The following ARHGEF33 variants were observed in gnomAD, a reference collection of about 807,000 sequenced individuals.
ARHGEF33 encodes the protein Rho guanine nucleotide exchange factor 33, also known as DH and coiled-coil domain-containing protein ENSP00000381780.
ARHGEF33 carries 72 observed loss-of-function variants against 101.9 expected under a neutral mutation model. That is an observed-to-expected ratio of 0.71 (90% confidence interval 0.58 to 0.86). The LOEUF is 0.86. Among genes scored for constraint, ARHGEF33 ranks in the 40% least tolerant of loss-of-function variants. The probability of loss-of-function intolerance (pLI) is 0.00; values close to 1 mark genes in which losing one functional copy is unlikely to be tolerated. For synonymous variants in ARHGEF33, 499 were observed against 442.5 expected, an observed-to-expected ratio of 1.13 and a Z score of -1.60; for missense variants, 1,169 against 1,111.3, an observed-to-expected ratio of 1.05 and a Z score of -0.74.
chr2:38,897,969 A>G (rs1368459269), intron 2 of ARHGEF33, among the ~76,000 whole-genome samples: 1 of 152,188 alleles, frequency 6.6e-6, no homozygotes, highest in Admixed American at 6.5e-5. Flanking sequence ...GAGTCTCCAG[A>G]GCTGGGCAGA....
intron 12 of ARHGEF33, among the ~76,000 whole-genome samples, chr2:38,953,901 G>A (rs1384824709): frequency 6.6e-6 from 1 of 152,216 alleles, no homozygotes; most frequent in Admixed American, 6.5e-5. Flanking sequence ...GAAGGAAAAG[G>A]AAGGGACACA....
intron 16 of ARHGEF33, among the ~76,000 whole-genome samples, chr2:38,962,734 G>T (rs1667971905): frequency 1.3e-5 from 2 of 151,102 alleles, no homozygotes; most frequent in Admixed American, 6.6e-5. Context: ...CCTGGTTGTG[G>T]CCGGGTGCGG....
intron 13 of ARHGEF33, among the ~76,000 whole-genome samples, chr2:38,955,141 G>A (rs543462994): frequency 1.3e-5 from 2 of 152,216 alleles, no homozygotes; most frequent in South Asian, 2.1e-4. Context: ...CATCTAACCT[G>A]TTCACTTAAC....
At chr2:38,960,987 A>G (rs948148497) in intron 16 of ARHGEF33, among the ~76,000 whole-genome samples, 1 of 152,202 alleles carries the variant, frequency 6.6e-6, no homozygotes, top group African/African-American at 2.4e-5. Context: ...TTAGGGAGTT[A>G]TGGGTAATCT....
intron 16 of ARHGEF33, among the ~76,000 whole-genome samples, chr2:38,961,399 T>C (rs1320035975): frequency 6.6e-6 from 1 of 152,154 alleles, no homozygotes; most frequent in Non-Finnish European, 1.5e-5. Context: ...TTTTGGTGTC[T>C]AATTGTGGTG....
At chr2:38,912,811 G>A (rs751386037) in intron 2 of ARHGEF33, among the ~76,000 whole-genome samples, 1 of 151,882 alleles carries the variant, frequency 6.6e-6, no homozygotes. Context: ...CATGATCCTG[G>A]GCATATTATT....
chr2:38,942,953 A>T (rs1047939479), intron 9 of ARHGEF33, among the ~76,000 whole-genome samples: 2 of 152,092 alleles, frequency 1.3e-5, no homozygotes, highest in African/African-American at 2.4e-5. Context: ...TTTGAGAGAG[A>T]GTCTTGCTCT....
intron 10 of ARHGEF33, among the ~76,000 whole-genome samples, chr2:38,950,624 AT>A (rs1048402603): frequency 6.6e-6 from 1 of 151,944 alleles, no homozygotes; most frequent in Non-Finnish European, 1.5e-5. Flanking sequence ...TAATTTTTGT[AT>A]TTTTAGTAGA....
At position 38,960,256 on chromosome 2, in the gene ARHGEF33, A is replaced by T; in HGVS notation, c.1951A>T (p.Ser651Cys). Residue 651 changes from serine to cysteine, a missense_variant, in exon 16 of 18, where the codon AGC (serine) becomes TGC (cysteine). Ser to Cys is a moderately radical substitution (Grantham distance 112). Coordinates refer to ENST00000409978, the MANE Select transcript of ARHGEF33 (RefSeq NM_001145451.5). ...ENCSPASSES[S>C]LDICFLRPVS... ...CTGCTCGCCTGCCTCCTCCGAGTCC[A>T]GCCTGGACATCTGCTTCCTGCGGCC... is the stretch of plus-strand genomic sequence containing the variant. 1 of 1,548,146 alleles carries T rather than the reference A, an allele frequency of 6.5e-7. No individual in the cohort carries two copies. Among genetic ancestry groups the T allele is most frequent in the Non-Finnish European group, 8.7e-7 (1 of 1,146,226 alleles).
At chr2:38,957,992 T>G in intron 14 of ARHGEF33, 42 bp from the exon 15 acceptor site, 1 of 1,548,270 alleles carries the variant, frequency 6.5e-7, no homozygotes, top group Non-Finnish European at 8.7e-7. Flanking sequence ...AGAGCCAGTT[T>G]GCCACTGTAC....
Position 38,937,571 on chromosome 2 carries a change from G to A in ARHGEF33, c.790+12G>A. ...AACCTCCTTAGCTGGTAAGTTCCAAGGGGGAATGCAGGCTAATAGTTTAAA... is the reference window on the plus strand; with the variant it reads ...AACCTCCTTAGCTGGTAAGTTCCAAAGGGGAATGCAGGCTAATAGTTTAAA... On this transcript the variant is annotated intron_variant, in intron 9 of 17. Transcript: ENST00000409978. 2 of 1,411,864 alleles carry A rather than the reference G, an allele frequency of 1.4e-6. No individual in the cohort carries two copies. Among genetic ancestry groups the A allele is most frequent in the African/African-American group, 1.4e-5 (1 of 70,398 alleles). 87.5% of individuals were successfully genotyped at this position (1,411,864 alleles called of 1,614,324 possible). A position where few individuals can be genotyped will look rare whatever the true frequency, so the allele number is the denominator to read the frequency against.
intron 4 of ARHGEF33, chr2:38,928,658 CTTAA>C (rs1362805549): frequency 2.3e-4 from 63 of 274,034 alleles, no homozygotes; most frequent in Non-Finnish European, 6.8e-6. Flanking sequence ...CACTTGTAAA[CTTAA>C]TTAACAGCTT....
chr2:38,945,854 A>G (rs972378268), intron 10 of ARHGEF33, among the ~76,000 whole-genome samples: 1 of 152,152 alleles, frequency 6.6e-6, no homozygotes, highest in Admixed American at 6.5e-5. Flanking sequence ...TGTGACCCCT[A>G]CCTTACAGAC....
chr2:38,949,921 T>C (rs1172464051), intron 10 of ARHGEF33, among the ~76,000 whole-genome samples: 2 of 152,188 alleles, frequency 1.3e-5, no homozygotes, highest in Non-Finnish European at 2.9e-5. Flanking sequence ...CCAGAATTCA[T>C]GAGAACTCAC....
chr2:38,919,548 C>A, intron 3 of ARHGEF33, 76 bp downstream of exon 3: 1 of 1,385,778 alleles, frequency 7.2e-7, no homozygotes, highest in Non-Finnish European at 1.0e-6. Context: ...TTACCACTGT[C>A]TCGAGACATG....
chr2:38,929,111 T>A, intron 5 of ARHGEF33, 40 bp downstream of exon 5: 1 of 1,505,722 alleles, frequency 6.6e-7, no homozygotes, highest in South Asian at 1.2e-5. Flanking sequence ...AAGAGAATTT[T>A]GGTCTCAGTA....
intron 17 of ARHGEF33, among the ~76,000 whole-genome samples, chr2:38,970,255 A>G (rs983965911): frequency 3.9e-5 from 6 of 152,206 alleles, no homozygotes; most frequent in Non-Finnish European, 8.8e-5. Context: ...CAGAGAGAGT[A>G]CTTCTACAGG....
At chr2:38,973,486 T>C (rs1668210767) in intron 17 of ARHGEF33, among the ~76,000 whole-genome samples, 1 of 152,178 alleles carries the variant, frequency 6.6e-6, no homozygotes, top group Admixed American at 6.5e-5. Flanking sequence ...CACTGACATA[T>C]ACAATTGTCA....
At position 38,931,231 on chromosome 2, in the gene ARHGEF33, C is replaced by G; in HGVS notation, c.485C>G (p.Pro162Arg). 2 of 1,548,492 alleles carry G rather than the reference C, an allele frequency of 1.3e-6. No homozygotes were observed. The highest frequency in any genetic ancestry group is 1.7e-6 in the Non-Finnish European group (2 of 1,146,162). ...LPSEDFTNLLPSQAYEKAQES... is the reference protein window; with the variant it reads ...LPSEDFTNLLRSQAYEKAQES... ...AGCGAAGACTTTACCAACCTTTTGC[C>G]TTCTCAGGCCTACGAGAAAGGTACA... The change falls in exon 7 of 18, where the codon CCT becomes CGT. Residue 162 changes from proline (P) to arginine (R), a missense_variant. Pro to Arg is a moderately radical substitution (Grantham distance 103). Coordinates refer to ENST00000409978, the MANE Select transcript of ARHGEF33 (RefSeq NM_001145451.5).
Sources: gnomAD v4.1 joint callset for allele counts (sites outside exome capture counted in the v4.1 genomes callset) on GRCh38, gnomAD v4.1.1 for gene constraint, MANE v1.5 for transcripts, NCBI Gene and HGNC (gene_info 2026-07-23, HGNC 2026-07-21) for gene names.